The following TGFBR3 variants were observed in gnomAD, a reference collection of about 807,000 sequenced individuals.
TGFBR3 encodes the protein transforming growth factor beta receptor type 3.
TGFBR3 carries 46 observed loss-of-function variants against 87.9 expected under a neutral mutation model. That is an observed-to-expected ratio of 0.52 (90% CI 0.41 to 0.67). TGFBR3 has a LOEUF of 0.67. Ranked by LOEUF, TGFBR3 falls within the 30% of genes least tolerant of loss-of-function variation. The pLI, the probability that TGFBR3 is intolerant of heterozygous loss-of-function variation, is 0.00. For missense variants in TGFBR3, 866 were observed against 1,041.9 expected, an observed-to-expected ratio of 0.83 and a Z score of 2.32; for synonymous variants, 381 against 391.6, an observed-to-expected ratio of 0.97 and a Z score of 0.32.
chr1:91,797,978 C>G (rs924647517), intron 2 of TGFBR3, among the ~76,000 whole-genome samples: 1 of 152,122 alleles, frequency 6.6e-6, no homozygotes, highest in African/African-American at 2.4e-5. Context: ...AGGGCCAGAG[C>G]TGTACAGCAA....
chr1:91,688,125 G>T (rs1447360714), intron 16 of TGFBR3, among the ~76,000 whole-genome samples: 2 of 152,124 alleles, frequency 1.3e-5, no homozygotes, highest in African/African-American at 4.8e-5. Flanking sequence ...TCCAGGAGGG[G>T]TGAGTTAGAT....
intron 1 of TGFBR3, among the ~76,000 whole-genome samples, chr1:91,900,076 G>A (rs1679658252): frequency 6.6e-6 from 1 of 152,028 alleles, no homozygotes. Flanking sequence ...TATACTCCTA[G>A]ATATCCCTCT....
intron 2 of TGFBR3, among the ~76,000 whole-genome samples, chr1:91,826,508 T>C (rs952653181): frequency 4.8e-4 from 73 of 152,014 alleles, no homozygotes; most frequent in African/African-American, 1.7e-3. Context: ...ATTCAGCCAA[T>C]GATTGCAAAG....
At chr1:91,742,341 T>G (rs1004809674) in intron 4 of TGFBR3, among the ~76,000 whole-genome samples, 2 of 152,222 alleles carry the variant, frequency 1.3e-5, no homozygotes, top group Non-Finnish European at 2.9e-5. Flanking sequence ...GGGCCTGGCA[T>G]AGTGCTGGGC....
At chr1:91,898,036 T>A in intron 2 of TGFBR3, among the ~76,000 whole-genome samples, 1 of 55,378 alleles carries the variant, frequency 1.8e-5, no homozygotes, top group East Asian at 5.7e-4. Flanking sequence ...TAAAAAATGT[T>A]TTCAATTTAA....
At chr1:91,876,190 A>G (rs1316841873) in intron 1 of TGFBR3, among the ~76,000 whole-genome samples, 1 of 152,110 alleles carries the variant, frequency 6.6e-6, no homozygotes, top group Non-Finnish European at 1.5e-5. Context: ...GCTAAAACAC[A>G]TTAGCCTCAG....
chr1:91,776,014 CA>C (rs1443467571), intron 3 of TGFBR3, among the ~76,000 whole-genome samples: 1 of 152,224 alleles, frequency 6.6e-6, no homozygotes, highest in Non-Finnish European at 1.5e-5. Flanking sequence ...ATGTTAATAA[CA>C]GGGTGCCCTA....
intron 4 of TGFBR3, among the ~76,000 whole-genome samples, chr1:91,752,308 C>T (rs1007275901): frequency 5.3e-5 from 8 of 152,068 alleles, no homozygotes; most frequent in Non-Finnish European, 1.2e-4. Context: ...ATTGGGCATC[C>T]TCTATTTTTA....
At chr1:91,786,668 T>C (rs925382133) in intron 3 of TGFBR3, among the ~76,000 whole-genome samples, 3 of 151,484 alleles carry the variant, frequency 2.0e-5, no homozygotes, top group African/African-American at 4.9e-5. Context: ...GGAGAATTGC[T>C]TGAACTCGGG....
chr1:91,769,887 C>G (rs566429475), intron 3 of TGFBR3, among the ~76,000 whole-genome samples: 13 of 151,810 alleles, frequency 8.6e-5, no homozygotes, highest in South Asian at 2.1e-4. Context: ...GCTTCAGCAC[C>G]GTAACTCTGG....
At chr1:91,721,128 G>A (rs529658807) in intron 8 of TGFBR3, among the ~76,000 whole-genome samples, 2 of 152,292 alleles carry the variant, frequency 1.3e-5, no homozygotes, top group East Asian at 3.9e-4. Context: ...AAGTGAAGAT[G>A]ATAGTTGGAC....
At position 91,734,962 on chromosome 1, in the gene TGFBR3, A is replaced by G. The variant is rs1324303588; in HGVS notation, c.385-3T>C. The stretch of plus-strand genomic sequence containing the variant: ...TGGACCACAGAACCCTCAGACACCT[A>G]GAGGAAAGAGAATTGCGTATTTAAC... On this transcript the variant is annotated splice_region_variant and splice_polypyrimidine_tract_variant and intron_variant, in intron 4 of 16. Coordinates refer to ENST00000212355, the MANE Select transcript of TGFBR3 (RefSeq NM_003243.5). 1 of 1,613,906 alleles carries G rather than the reference A, an allele frequency of 6.2e-7. No individual in the cohort carries two copies. The highest frequency in any genetic ancestry group is 1.3e-5 in the African/African-American group (1 of 74,920).
At chr1:91,687,457 G>A (rs376734703) in intron 16 of TGFBR3, among the ~76,000 whole-genome samples, 12 of 152,180 alleles carry the variant, frequency 7.9e-5, no homozygotes, top group South Asian at 2.1e-4. Context: ...CCTCTTTGGC[G>A]TCTATATTAC....
At chr1:91,687,730 G>A (rs764838245) in intron 16 of TGFBR3, among the ~76,000 whole-genome samples, 1 of 152,170 alleles carries the variant, frequency 6.6e-6, no homozygotes, top group African/African-American at 2.4e-5. Context: ...GGCAGGACTA[G>A]GGATTTAGAT....
At chr1:91,904,861 C>T (rs750771233) in intron 1 of TGFBR3, among the ~76,000 whole-genome samples, 3 of 151,686 alleles carry the variant, frequency 2.0e-5, no homozygotes, top group Non-Finnish European at 4.4e-5. Context: ...CCACCGCGCC[C>T]GGCCTAATTT....
intron 14 of TGFBR3, among the ~76,000 whole-genome samples, chr1:91,701,471 A>G (rs1263305797): frequency 2.0e-5 from 3 of 152,222 alleles, no homozygotes; most frequent in Admixed American, 1.3e-4. Flanking sequence ...ATAAGAAAGG[A>G]ATCTTAGCTA....
Position 91,712,315 on chromosome 1 carries a change from G to C in TGFBR3, c.2094C>G (p.Thr698=). ...GCTCACACTGTAGAAAGAGCAGTGA[G>C]GTGTTGAAGACAGGCTTGAAGACAA... The part of the protein sequence containing the change: ...FSFVFKPVFN[T]SLLFLQCELT... Residue 698 remains threonine, a synonymous_variant, in exon 13 of 17, where the codon ACC becomes ACG. Transcript: ENST00000212355. The C allele has an allele frequency of 6.2e-7, 1 of 1,614,218 alleles. No homozygotes were observed. Among genetic ancestry groups the C allele is most frequent in the Non-Finnish European group, 8.5e-7 (1 of 1,180,036 alleles).
At chr1:91,901,131 T>C (rs1441984264) in intron 1 of TGFBR3, among the ~76,000 whole-genome samples, 1 of 152,242 alleles carries the variant, frequency 6.6e-6, no homozygotes, top group Non-Finnish European at 1.5e-5. Context: ...AGGGTTCCAG[T>C]GCCTCCATGT....
intron 2 of TGFBR3, among the ~76,000 whole-genome samples, chr1:91,827,611 C>T (rs181515634): frequency 6.6e-5 from 10 of 152,240 alleles, no homozygotes; most frequent in Middle Eastern, 3.4e-3. Flanking sequence ...GTATGCACGC[C>T]GCATGAGATA....
Sources: allele counts gnomAD v4.1 joint callset (sites outside exome capture counted in the v4.1 genomes callset), GRCh38; gene constraint gnomAD v4.1.1; transcripts MANE v1.5; gene names NCBI Gene and HGNC (gene_info 2026-07-23, HGNC 2026-07-21).